Variants in CNTN4 observed in about 807,000 individuals in gnomAD.
The protein encoded by CNTN4 is contactin-4.
A neutral mutation model predicts 122.5 loss-of-function variants in CNTN4; 77 were observed. That is an observed-to-expected ratio of 0.63 (90% CI 0.52 to 0.76). The LOEUF (loss-of-function observed/expected upper bound fraction) is 0.76, where lower values mean the gene tolerates loss of function less well. Ranked by LOEUF, CNTN4 falls within the 30% of genes least tolerant of loss-of-function variation. The pLI is 0.00. For missense variants in CNTN4, 1,256 were observed against 1,259.1 expected (o/e 1.00, Z 0.04); for synonymous variants, 512 against 447.0 (o/e 1.15, Z -1.83).
At chr3:2,902,729 A>G (rs1200314592) in intron 11 of CNTN4, 147 bp from the exon 12 acceptor site, 2 of 773,980 alleles carry the variant, frequency 2.6e-6, no homozygotes, top group Non-Finnish European at 2.1e-6. Context: ...AATTTAGCTG[A>G]CAGATAAATA....
intron 2 of CNTN4, among the ~76,000 whole-genome samples, chr3:2,264,967 C>A (rs1055343001): frequency 3.3e-5 from 5 of 152,046 alleles, no homozygotes; most frequent in Non-Finnish European, 5.9e-5. Context: ...ATCACCCAGG[C>A]AGTGTACAAT....
At chr3:2,886,957 G>A in intron 9 of CNTN4, 83 bp from the exon 10 acceptor site, 1 of 1,215,466 alleles carries the variant, frequency 8.2e-7, no homozygotes. Flanking sequence ...TATATGTGTA[G>A]AACCAAGAAG....
chr3:2,402,855 T>C (rs991730267), intron 3 of CNTN4, among the ~76,000 whole-genome samples: 1 of 152,188 alleles, frequency 6.6e-6, no homozygotes, highest in East Asian at 1.9e-4. Context: ...GGTTATACCT[T>C]ACGCAGTACA....
At chr3:2,929,411 A>C (rs2094500465) in intron 13 of CNTN4, among the ~76,000 whole-genome samples, 1 of 152,256 alleles carries the variant, frequency 6.6e-6, no homozygotes, top group South Asian at 2.1e-4. Flanking sequence ...AGAATCATTA[A>C]TAAAAATCCT....
At chr3:2,387,433 AAAG>A (rs1258551306) in intron 3 of CNTN4, among the ~76,000 whole-genome samples, 39 of 152,296 alleles carry the variant, frequency 2.6e-4, no homozygotes, top group African/African-American at 8.2e-4. Context: ...TTTTTTATCA[AAAG>A]AAGTATGATT....
chr3:3,040,734 C>A lies in CNTN4; in HGVS notation c.2398+463C>A, dbSNP rs139574381. On this transcript the variant is annotated intron_variant, in intron 20 of 24. Coordinates refer to ENST00000418658, the MANE Select transcript of CNTN4 (RefSeq NM_175607.3). Reference sequence around the variant, plus strand: ...CCTGAGGTTGGGAGTTCGGGACCAGCCTGACCAATATGGAGAAAACCCATC... The same window carrying A: ...CCTGAGGTTGGGAGTTCGGGACCAGACTGACCAATATGGAGAAAACCCATC... 4.1e-3 allele frequency among the ~76,000 whole-genome samples: 629 copies of A among 152,210 alleles called. 4 individuals carry two copies. The highest frequency in any genetic ancestry group is 0.014 in the African/African-American group (562 of 41,518).
chr3:2,864,005 A>G (rs2093696979), intron 7 of CNTN4, among the ~76,000 whole-genome samples: 1 of 152,238 alleles, frequency 6.6e-6, no homozygotes. Flanking sequence ...CAGTGAAACC[A>G]AAGGAATCAA....
chr3:2,421,015 G>A (rs571769661), intron 3 of CNTN4, among the ~76,000 whole-genome samples: 7 of 152,100 alleles, frequency 4.6e-5, no homozygotes, highest in African/African-American at 1.2e-4. Context: ...AAGTACACAT[G>A]TGCTTCTGGG....
At chr3:2,890,921 T>C (rs1352864291) in intron 10 of CNTN4, among the ~76,000 whole-genome samples, 1 of 152,218 alleles carries the variant, frequency 6.6e-6, no homozygotes, top group Non-Finnish European at 1.5e-5. Context: ...TTTTCAGTGG[T>C]AAAATGCTAT....
intron 13 of CNTN4, among the ~76,000 whole-genome samples, chr3:2,950,887 C>G (rs1223451410): frequency 3.3e-5 from 5 of 152,190 alleles, no homozygotes; most frequent in African/African-American, 4.8e-5. Context: ...TTCATGACAA[C>G]ACGAGTTGCC....
intron 7 of CNTN4, among the ~76,000 whole-genome samples, chr3:2,857,347 G>A (rs1298913057): frequency 1.3e-5 from 2 of 152,178 alleles, no homozygotes; most frequent in African/African-American, 4.8e-5. Context: ...CATGCTTCAA[G>A]GGATTAACAC....
At chr3:2,174,827 C>G (rs1434654817) in intron 2 of CNTN4, among the ~76,000 whole-genome samples, 1 of 152,082 alleles carries the variant, frequency 6.6e-6, no homozygotes, top group Non-Finnish European at 1.5e-5. Flanking sequence ...AAAGCAGGAG[C>G]GGGCACATCA....
chr3:2,352,041 A>G (rs554683984), intron 3 of CNTN4, among the ~76,000 whole-genome samples: 2 of 152,336 alleles, frequency 1.3e-5, no homozygotes, highest in South Asian at 2.1e-4. Context: ...ACATATATCA[A>G]AACATCACAT....
chr3:2,470,334 C>A (rs1258743867), intron 3 of CNTN4, among the ~76,000 whole-genome samples: 1 of 152,132 alleles, frequency 6.6e-6, no homozygotes, highest in African/African-American at 2.4e-5. Flanking sequence ...GTTGGCCTCC[C>A]AAAGTGCTGG....
chr3:2,483,298 T>A (rs1354086768), intron 3 of CNTN4, among the ~76,000 whole-genome samples: 2 of 152,186 alleles, frequency 1.3e-5, no homozygotes, highest in East Asian at 3.9e-4. Flanking sequence ...CCATTTGGAA[T>A]GGGCGTATTT....
At chr3:3,014,676 T>A (rs1024643511) in intron 14 of CNTN4, among the ~76,000 whole-genome samples, 5 of 151,624 alleles carry the variant, frequency 3.3e-5, no homozygotes. Flanking sequence ...TGCATTTTCA[T>A]CTCCTTTTCC....
chr3:2,152,556 G>A (rs1007571192), intron 2 of CNTN4, among the ~76,000 whole-genome samples: 7 of 152,158 alleles, frequency 4.6e-5, no homozygotes, highest in African/African-American at 1.7e-4. Flanking sequence ...TATTTAGAAG[G>A]CTTCAGAAGT....
At chr3:2,326,535 C>T (rs1244617043) in intron 2 of CNTN4, among the ~76,000 whole-genome samples, 1 of 151,040 alleles carries the variant, frequency 6.6e-6, no homozygotes, top group Non-Finnish European at 1.5e-5. Context: ...CACAATCTTA[C>T]TGATTCTGTT....
At chr3:2,902,090 A>G (rs961237672) in intron 11 of CNTN4, among the ~76,000 whole-genome samples, 1 of 152,188 alleles carries the variant, frequency 6.6e-6, no homozygotes, top group African/African-American at 2.4e-5. Context: ...AGATTTGATC[A>G]AAGTCTAATA....
Sources: allele counts gnomAD v4.1 joint callset (sites outside exome capture counted in the v4.1 genomes callset), GRCh38; gene constraint gnomAD v4.1.1; transcripts MANE v1.5; gene names NCBI Gene and HGNC (gene_info 2026-07-23, HGNC 2026-07-21).